The following TMEM63A variants were observed in gnomAD, a reference collection of about 807,000 sequenced individuals.
TMEM63A encodes the protein mechanosensitive cation channel TMEM63A.
TMEM63A carries 76 observed loss-of-function variants against 100.6 expected under a neutral mutation model. That is an observed-to-expected ratio of 0.76 (90% CI 0.63 to 0.91). The LOEUF (loss-of-function observed/expected upper bound fraction) is 0.91, where lower values mean the gene tolerates loss of function less well. Among genes scored for constraint, TMEM63A ranks in the 40% least tolerant of loss-of-function variants. The pLI is 0.00. For missense variants in TMEM63A, 876 were observed against 1,008.8 expected (o/e 0.87, Z 1.78); for synonymous variants, 401 against 401.1 (o/e 1.00, Z 0.00).
At chr1:225,871,523 A>T in intron 5 of TMEM63A, 1 of 214,670 alleles carries the variant, frequency 4.7e-6, no homozygotes, top group Non-Finnish European at 9.3e-6. Flanking sequence ...TGTCCTTCAC[A>T]TCTCTTAAAC....
At chr1:225,854,982 T>C (rs535054183) in intron 18 of TMEM63A, among the ~76,000 whole-genome samples, 14 of 152,218 alleles carry the variant, frequency 9.2e-5, no homozygotes, top group Non-Finnish European at 1.9e-4. Context: ...AAGATGAGGA[T>C]TGAGCTGGTC....
chr1:225,875,261 G>A lies in TMEM63A; in HGVS notation c.187-894C>T, dbSNP rs184660082. ...ACACCTCAGCAAGCTTGTGTCCAAT[G>A]GCAACCTCAGGGCTGGACTAAGCCG... On this transcript the variant is annotated intron_variant, in intron 3 of 24. Transcript: ENST00000366835. Among the ~76,000 whole-genome samples, 319 of 152,260 alleles carry A rather than the reference G, an allele frequency of 2.1e-3. 3 individuals carry two copies. Among genetic ancestry groups the A allele is most frequent in the Admixed American group, 0.018 (283 of 15,298 alleles).
rs1040613657 is a variant in TMEM63A at position 225,874,363 on chromosome 1, A to G, written c.191T>C (p.Leu64Ser). Reference protein sequence around the residue: ...LLIDVSCFLFLILVFSIIRRR... With the variant: ...LLIDVSCFLFSILVFSIIRRR... The stretch of plus-strand genomic sequence containing the variant: ...TCTTATAATAGAAAACACCAAGATT[A>G]AGAACTAAAAACAGAAAAGAAACCA... The change falls in exon 4 of 25, where the codon TTA (leucine) becomes TCA (serine). Residue 64 changes from leucine (L) to serine (S), a missense_variant. Leu to Ser is a moderately radical substitution (Grantham distance 145, BLOSUM62 -2). Transcript: ENST00000366835. The G allele has an allele frequency of 2.5e-6, 4 of 1,612,948 alleles. No individual in the cohort carries two copies. In the African/African-American group the frequency reaches 4.0e-5, roughly 16 times the overall value.
In TMEM63A at chr1:225,865,190, G is replaced by C. The variant is rs1291459230; in HGVS notation, c.746+707C>G. 1 of 152,342 alleles carries C rather than the reference G, an allele frequency of 6.6e-6. No individual in the cohort carries two copies. Among genetic ancestry groups the C allele is most frequent in the Non-Finnish European group, 1.5e-5 (1 of 68,180 alleles). 9.4% of individuals were successfully genotyped at this position (152,342 alleles called of 1,614,324 possible). On this transcript the variant is annotated intron_variant, in intron 10 of 24. Transcript: ENST00000366835. This position sits in a 1 kb window ranked among gnomAD's most constrained non-coding sequence, Gnocchi z 4.6. Reference sequence around the variant, plus strand: ...GTCAGCTCCTCAGCCCAGCCTTCAGGTCCTCCAGCATGGGGTCCTGGGAGC... The same window carrying C: ...GTCAGCTCCTCAGCCCAGCCTTCAGCTCCTCCAGCATGGGGTCCTGGGAGC...
At position 225,865,961 on chromosome 1, in the gene TMEM63A, G is replaced by A. The variant is rs1274492466; in HGVS notation, c.682C>T (p.Arg228Trp). 11 of 1,613,870 alleles carry A rather than the reference G, an allele frequency of 6.8e-6. No individual in the cohort carries two copies. The highest frequency in any genetic ancestry group is 2.2e-5 in the East Asian group (1 of 44,876). Residue 228 changes from arginine to tryptophan, a missense_variant, in exon 10 of 25, where the codon CGG becomes TGG. By Grantham distance (101) the Arg-to-Trp change is moderately radical. Transcript: ENST00000366835. The surrounding 1 kb of genome is among the most constrained non-coding windows in gnomAD (Gnocchi z 4.6). ...GGGAGTCCTGTGATGAACAGGGTCC[G>A]CCTCACCTGTCCGGGAAATACAGCA... ...IKYKEENLVR[R>W]TLFITGLPRD...
intron 20 of TMEM63A, among the ~76,000 whole-genome samples, chr1:225,851,927 C>T (rs1236583694): frequency 6.6e-6 from 1 of 152,246 alleles, no homozygotes; most frequent in Admixed American, 6.5e-5. Context: ...CTCCTGCTTA[C>T]TAACAACATA....
chr1:225,846,720 A>C lies in TMEM63A; in HGVS notation c.*219T>G. ...TGGTCTTGGCGACAAACCACTGGGGATGTCACCCCAGCTGCAGAGCTGGAA... is the reference window on the plus strand; with the variant it reads ...TGGTCTTGGCGACAAACCACTGGGGCTGTCACCCCAGCTGCAGAGCTGGAA... On this transcript the variant is annotated 3_prime_UTR_variant, in exon 25 of 25. Coordinates refer to ENST00000366835, the MANE Select transcript of TMEM63A (RefSeq NM_014698.3). 1 of 282,468 alleles carries C rather than the reference A, an allele frequency of 3.5e-6. No homozygotes were observed. Among genetic ancestry groups the C allele is most frequent in the Non-Finnish European group, 6.6e-6 (1 of 150,886 alleles). 17.5% of individuals were successfully genotyped at this position (282,468 alleles called of 1,614,324 possible). A position where few individuals can be genotyped will look rare whatever the true frequency, so the allele number is the denominator to read the frequency against.
In TMEM63A at chr1:225,866,648, C is replaced by T; in HGVS notation, c.601G>A (p.Val201Ile). 1 of 1,614,140 alleles carries T rather than the reference C, an allele frequency of 6.2e-7. No homozygotes were observed. The highest frequency in any genetic ancestry group is 8.5e-7 in the Non-Finnish European group (1 of 1,180,000). ...DLLWLHTIFA[V>I]IYLFLTVGFM... ...CCCACAGTGAGGAAGAGGTAAATGA[C>T]AGCAAAGATGGTGTGCAGCCAAAGG... Residue 201 changes from valine to isoleucine, a missense_variant, in exon 9 of 25, where the codon GTC becomes ATC. Physicochemically the swap from Val to Ile is conservative, Grantham distance 29 (BLOSUM62 3). Coordinates refer to ENST00000366835, the MANE Select transcript of TMEM63A (RefSeq NM_014698.3).
At chr1:225,858,924 CATGT>C (rs987064595) in intron 15 of TMEM63A, among the ~76,000 whole-genome samples, 10 of 143,832 alleles carry the variant, frequency 7.0e-5, no homozygotes, top group Non-Finnish European at 1.2e-4. Context: ...TATATGTATG[CATGT>C]GTGTGTATAT....
chr1:225,846,517 G>A lies in TMEM63A; in HGVS notation c.*422C>T. ...CCTGGAGGGACTGCTGGGCTGGGGA[G>A]GGACTGGCCATGGAGCAGGGAGCTG... On this transcript the variant is annotated 3_prime_UTR_variant, in exon 25 of 25. Coordinates refer to ENST00000366835, the MANE Select transcript of TMEM63A (RefSeq NM_014698.3). 1 of 153,660 alleles carries A rather than the reference G, an allele frequency of 6.5e-6. No individual in the cohort carries two copies. Among genetic ancestry groups the A allele is most frequent in the Non-Finnish European group, 1.4e-5 (1 of 68,998 alleles). The allele number at this position is 153,660 out of a possible 1,614,324, so 9.5% of individuals were successfully genotyped here.
chr1:225,874,316 G>A lies in TMEM63A; in HGVS notation c.238C>T (p.Arg80Cys), dbSNP rs1018672013. Residue 80 changes from arginine (R) to cysteine (C), a missense_variant, in exon 4 of 25, where the codon CGC becomes TGC. Physicochemically the swap from Arg to Cys is radical, Grantham distance 180 (BLOSUM62 -3). This residue lies in a region of TMEM63A where 487 missense variants were observed against 581.9 expected (regional missense o/e 0.84). Coordinates refer to ENST00000366835, the MANE Select transcript of TMEM63A (RefSeq NM_014698.3). The stretch of plus-strand genomic sequence containing the variant: ...TCTGCTTCTGACACCAGGGCAATGC[G>A]GCCATAGTCCCAGAATCTTCTTCTT... ...IIRRRFWDYG[R>C]IALVSEADSE... 18 of 1,614,026 alleles carry A rather than the reference G, an allele frequency of 1.1e-5. No individual in the cohort carries two copies. The highest frequency in any genetic ancestry group is 3.3e-5 in the South Asian group (3 of 91,038).
At chr1:225,844,506 C>T (rs1435635071), downstream of TMEM63A, 2 of 1,614,170 alleles carry the variant, frequency 1.2e-6, no homozygotes, top group South Asian at 2.2e-5. Context: ...AGGAAGTTCT[C>T]CCTGGACGAC....
chr1:225,858,329 T>G lies in TMEM63A; in HGVS notation c.1377+867A>C, dbSNP rs1168171502. On this transcript the variant is annotated intron_variant, in intron 15 of 24. Coordinates refer to ENST00000366835, the MANE Select transcript of TMEM63A (RefSeq NM_014698.3). ...ATACAGAATAGTTTGTTTTTTTTTT[T>G]TTTTTTTTTTTTTGAGATGGAGTTT... Among the ~76,000 whole-genome samples the G allele has an allele frequency of 1.1e-4, 16 of 148,984 alleles. No homozygotes were observed. The East Asian group carries it at 1.8e-3, about 16-fold the overall frequency.
chr1:225,877,164 T>C (rs1017995708), intron 3 of TMEM63A, among the ~76,000 whole-genome samples: 2 of 152,166 alleles, frequency 1.3e-5, no homozygotes, highest in African/African-American at 4.8e-5. Flanking sequence ...TCTGGCCTTA[T>C]CCAAATTCCA....
At chr1:225,858,135 T>C (rs1429018136) in intron 15 of TMEM63A, among the ~76,000 whole-genome samples, 3 of 152,130 alleles carry the variant, frequency 2.0e-5, no homozygotes, top group Non-Finnish European at 4.4e-5. Flanking sequence ...TCCCAGGGAA[T>C]GATTAACCAA....
rs1668926969 is a variant in TMEM63A at position 225,845,735 on chromosome 1, A to C, written c.*1204T>G. 3 of 330,990 alleles carry C rather than the reference A, an allele frequency of 9.1e-6. No individual in the cohort carries two copies. The highest frequency in any genetic ancestry group is 2.9e-5 in the South Asian group (1 of 34,586). The allele number at this position is 330,990 out of a possible 1,614,324, so 20.5% of individuals were successfully genotyped here. A position where few individuals can be genotyped will look rare whatever the true frequency, so the allele number is the denominator to read the frequency against. On this transcript the variant is annotated 3_prime_UTR_variant, in exon 25 of 25. Transcript: ENST00000366835. ...CAATGGCACCGCCCCCACCCCTCCC[A>C]GCGCAGGGGCAGCTTGGAGCAGAGG...
intron 4 of TMEM63A, among the ~76,000 whole-genome samples, chr1:225,872,883 G>T (rs537073557): frequency 6.6e-6 from 1 of 151,796 alleles, no homozygotes; most frequent in African/African-American, 2.4e-5. Flanking sequence ...TAATAGAGAT[G>T]GGGTTTCATC....
chr1:225,846,966 A>G lies in TMEM63A; in HGVS notation c.*7-34T>C, dbSNP rs1423846336. On this transcript the variant is annotated intron_variant, in intron 24 of 24. Transcript: ENST00000366835. ...GATGGGAAGAAGTCATGAACTTGGG[A>G]GTCAGGCCGCTTCACCTGTCTTCTC... is the stretch of plus-strand genomic sequence containing the variant. The G allele has an allele frequency of 2.0e-6, 3 of 1,494,562 alleles. No homozygotes were observed. In the African/African-American group the frequency reaches 4.2e-5, roughly 21 times the overall value. 92.6% of individuals were successfully genotyped at this position (1,494,562 alleles called of 1,614,324 possible). A position where few individuals can be genotyped will look rare whatever the true frequency, so the allele number is the denominator to read the frequency against.
chr1:225,867,835 G>A lies in TMEM63A; in HGVS notation c.514+53C>T. 1 of 1,609,388 alleles carries A rather than the reference G, an allele frequency of 6.2e-7. No homozygotes were observed. On this transcript the variant is annotated intron_variant, in intron 7 of 24. Coordinates refer to ENST00000366835, the MANE Select transcript of TMEM63A (RefSeq NM_014698.3). This position sits in a 1 kb window ranked among gnomAD's most constrained non-coding sequence, Gnocchi z 4.6. ...TCTACCACAGTGAGCCCTTTCCCTA[G>A]GACTGCCACTCTGCCCCATTACAAC...
Sources: gnomAD v4.1 joint callset for allele counts (sites outside exome capture counted in the v4.1 genomes callset) on GRCh38, gnomAD v4.1.1 for gene constraint, gnomAD v4.1.1 regional missense constraint, Gnocchi (gnomAD v3.1) non-coding constraint, MANE v1.5 for transcripts, NCBI Gene and HGNC (gene_info 2026-07-23, HGNC 2026-07-21) for gene names.